The following DGCR2 variants were observed in gnomAD, a reference collection of about 807,000 sequenced individuals.
DGCR2 encodes the protein DiGeorge syndrome critical region gene 2.
A neutral mutation model predicts 51.6 loss-of-function variants in DGCR2; 24 were observed. That is an observed-to-expected ratio of 0.47 (90% CI 0.34 to 0.65). DGCR2 has a LOEUF of 0.65. Ranked by LOEUF, DGCR2 falls within the 30% of genes least tolerant of loss-of-function variation. The pLI, the probability that DGCR2 is intolerant of heterozygous loss-of-function variation, is 0.01. For missense variants in DGCR2, 765 were observed against 772.1 expected (o/e 0.99, Z 0.11); for synonymous variants, 340 against 315.4 (o/e 1.08, Z -0.82).
intron 2 of DGCR2, among the ~76,000 whole-genome samples, chr22:19,084,762 G>A (rs1337816087): frequency 1.4e-5 from 2 of 145,146 alleles, no homozygotes; most frequent in African/African-American, 2.5e-5. Context: ...GGAGGGAGGT[G>A]GGGGGTCAGC....
Position 19,122,410 on chromosome 22 carries a change from G to A in DGCR2, c.-204C>T, listed in dbSNP as rs567132530. The A allele has an allele frequency of 2.9e-5, 12 of 414,428 alleles. No individual in the cohort carries two copies. Among genetic ancestry groups the A allele is most frequent in the East Asian group, 2.0e-4 (5 of 25,318 alleles). The allele number at this position is 414,428 out of a possible 1,614,324, so 25.7% of individuals were successfully genotyped here. A position where few individuals can be genotyped will look rare whatever the true frequency, so the allele number is the denominator to read the frequency against. The stretch of plus-strand genomic sequence containing the variant: ...AGGCACCGACTCCAGCTGCGCGCAA[G>A]ATGGCGGCCGTCCTGCTCGGCTCCG... On this transcript the variant is annotated 5_prime_UTR_variant, in exon 1 of 10. Transcript: ENST00000263196.
chr22:19,095,763 TTC>T (rs923000267), intron 1 of DGCR2, among the ~76,000 whole-genome samples: 5 of 151,234 alleles, frequency 3.3e-5, no homozygotes, highest in African/African-American at 1.2e-4. Flanking sequence ...TGAAATAGAT[TTC>T]TGTTTAAAAA....
chr22:19,039,641 T>C (rs986157055), intron 9 of DGCR2, among the ~76,000 whole-genome samples: 1 of 152,198 alleles, frequency 6.6e-6, no homozygotes, highest in Non-Finnish European at 1.5e-5. Context: ...CACAGGTGTT[T>C]GCAGGAAGCT....
At chr22:19,071,145 C>A (rs1234268186) in intron 2 of DGCR2, among the ~76,000 whole-genome samples, 1 of 152,236 alleles carries the variant, frequency 6.6e-6, no homozygotes, top group African/African-American at 2.4e-5. Flanking sequence ...GCAGGGGTCA[C>A]TGTAGCACCC....
intron 2 of DGCR2, among the ~76,000 whole-genome samples, chr22:19,069,342 T>G (rs1403332560): frequency 6.6e-6 from 1 of 152,210 alleles, no homozygotes; most frequent in East Asian, 1.9e-4. Flanking sequence ...TCTGCTAGTG[T>G]CATAGACTTT....
At chr22:19,090,142 A>G (rs1264031187) in intron 1 of DGCR2, among the ~76,000 whole-genome samples, 1 of 152,250 alleles carries the variant, frequency 6.6e-6, no homozygotes, top group African/African-American at 2.4e-5. Flanking sequence ...TGAAGATATA[A>G]TAATAGAAAC....
chr22:19,061,130 TTTTTTGGGTA>T, intron 5 of DGCR2: 1 of 230,468 alleles, frequency 4.3e-6, no homozygotes, highest in Non-Finnish European at 8.8e-6. Flanking sequence ...TTTCCCATGG[TTTTTTGGGTA>T]TTTTTGGGGG....
At chr22:19,110,597 C>T (rs984253818) in intron 1 of DGCR2, among the ~76,000 whole-genome samples, 2 of 150,900 alleles carry the variant, frequency 1.3e-5, no homozygotes, top group Non-Finnish European at 2.9e-5. Flanking sequence ...GCATGTTCTG[C>T]ACATGCATCC....
chr22:19,110,447 T>C (rs1163928131), intron 1 of DGCR2, among the ~76,000 whole-genome samples: 1 of 151,114 alleles, frequency 6.6e-6, no homozygotes, highest in Non-Finnish European at 1.5e-5. Context: ...AAAAGCAGGG[T>C]GGGTGGGAAG....
At chr22:19,051,185 T>TCA (rs1452151269) in intron 6 of DGCR2, among the ~76,000 whole-genome samples, 120 of 56,748 alleles carry the variant, frequency 2.1e-3, no homozygotes, top group Admixed American at 4.4e-3. Flanking sequence ...TGAAATTCTG[T>TCA]CACAAAAAAA....
rs2082614619 is a variant in DGCR2, at chr22:19,057,301, AGGT to A, written c.626-142_626-140del. On this transcript the variant is annotated intron_variant, in intron 5 of 9. Transcript: ENST00000263196. The surrounding 1 kb of genome is among the most constrained non-coding windows in gnomAD (Gnocchi z 5.1). Reference sequence around the variant, plus strand: ...CCAAGTACTGGTGGTCACTGTGGCCAGGTGTTCACTCGGGACTCCCCAACCTCC... The same window carrying A: ...CCAAGTACTGGTGGTCACTGTGGCCAGTTCACTCGGGACTCCCCAACCTCC... 5 of 999,456 alleles carry A rather than the reference AGGT, an allele frequency of 5.0e-6. No individual in the cohort carries two copies. Among genetic ancestry groups the A allele is most frequent in the Non-Finnish European group, 7.1e-6 (5 of 703,710 alleles). 61.9% of individuals were successfully genotyped at this position (999,456 alleles called of 1,614,324 possible). A position where few individuals can be genotyped will look rare whatever the true frequency, so the allele number is the denominator to read the frequency against.
chr22:19,068,184 CA>C lies in DGCR2; in HGVS notation c.243del (p.Val82TrpfsTer19). ...CTGGCCCGCCCCTGCCGCGGATCCA[CA>C]GCCTCCTTCCCATGATGAGGACGCA... Reference protein sequence around the residue: ...GEVRPHHGKEAVDPRQGRARG... With the variant: ...GEVRPHHGKEXVDPRQGRARG... On this transcript the variant is annotated frameshift_variant, in exon 3 of 10. Coordinates refer to ENST00000263196, the MANE Select transcript of DGCR2 (RefSeq NM_005137.3). LOFTEE classifies it high-confidence loss of function. 6.2e-7 allele frequency: 1 copy of C among 1,611,250 alleles called. No homozygotes were observed. The highest frequency in any genetic ancestry group is 8.5e-7 in the Non-Finnish European group (1 of 1,178,948).
intron 2 of DGCR2, 30 bp downstream of exon 2, chr22:19,089,338 G>A: frequency 6.4e-7 from 1 of 1,554,592 alleles, no homozygotes; most frequent in Non-Finnish European, 8.7e-7. Context: ...AGACAAGGTG[G>A]TGTGTACCCC....
chr22:19,109,104 C>T (rs944971009), intron 1 of DGCR2, among the ~76,000 whole-genome samples: 34 of 152,046 alleles, frequency 2.2e-4, no homozygotes, highest in African/African-American at 8.0e-4. Context: ...TATCACCTCA[C>T]CCATTAGGAT....
At chr22:19,077,832 C>CTTT (rs141485718) in intron 2 of DGCR2, among the ~76,000 whole-genome samples, 8 of 143,510 alleles carry the variant, frequency 5.6e-5, no homozygotes, top group African/African-American at 1.5e-4. Flanking sequence ...TTATTTTTGT[C>CTTT]TTTTTTTTTT....
intron 2 of DGCR2, among the ~76,000 whole-genome samples, chr22:19,070,766 T>C (rs1441324271): frequency 6.6e-6 from 1 of 152,250 alleles, no homozygotes; most frequent in African/African-American, 2.4e-5. Flanking sequence ...TTTTCCATCA[T>C]GCATCTCCAT....
intron 7 of DGCR2, chr22:19,046,868 C>A: frequency 3.6e-6 from 1 of 276,380 alleles, no homozygotes; most frequent in Non-Finnish European, 8.0e-6. Flanking sequence ...CCATACATGC[C>A]CACAAATGGG....
chr22:19,122,076 C>A (rs1433650895), intron 1 of DGCR2, 52 bp downstream of exon 1: 36 of 1,380,912 alleles, frequency 2.6e-5, no homozygotes, highest in East Asian at 1.6e-4. Flanking sequence ...CCGGGGCGAC[C>A]CCGGCCCCGC....
At chr22:19,114,062 GA>G (rs55948025) in intron 1 of DGCR2, among the ~76,000 whole-genome samples, 1,193 of 80,974 alleles carry the variant, frequency 0.015, 10 homozygotes, top group South Asian at 0.089. Context: ...TCCATTTGAG[GA>G]AAAAAAAAAA....
Sources: allele counts gnomAD v4.1 joint callset (sites outside exome capture counted in the v4.1 genomes callset), GRCh38; gene constraint gnomAD v4.1.1; non-coding constraint Gnocchi (gnomAD v3.1); transcripts MANE v1.5; gene names NCBI Gene and HGNC (gene_info 2026-07-23, HGNC 2026-07-21).